Variants in ATP8B4 observed in about 807,000 individuals in gnomAD.
ATP8B4 encodes probable phospholipid-transporting ATPase IM.
Under a neutral mutation model 145.6 loss-of-function variants are expected in ATP8B4, and 133 were observed. The observed-to-expected ratio is 0.91, with a 90% CI of 0.79 to 1.05. The LOEUF is 1.05. Among genes scored for constraint, ATP8B4 ranks in the 50% least tolerant of loss-of-function variants. The pLI is 0.00. For synonymous variants in ATP8B4, 507 were observed against 492.9 expected (o/e 1.03, Z -0.38); for missense variants, 1,458 against 1,425.2 (o/e 1.02, Z -0.37).
At chr15:49,984,214 T>C (rs2046395272) in intron 10 of ATP8B4, among the ~76,000 whole-genome samples, 1 of 152,200 alleles carries the variant, frequency 6.6e-6, no homozygotes, top group African/African-American at 2.4e-5. Context: ...ACCTAGTAAG[T>C]GTCAGAGCGA....
At chr15:50,173,053 G>C (rs1026757571) in intron 1 of ATP8B4, among the ~76,000 whole-genome samples, 1 of 146,828 alleles carries the variant, frequency 6.8e-6, no homozygotes, top group Non-Finnish European at 1.5e-5. Context: ...CCTCCGCCCG[G>C]CCAGCCTCCC....
At chr15:50,173,775 C>T (rs975313252) in intron 1 of ATP8B4, among the ~76,000 whole-genome samples, 7 of 151,934 alleles carry the variant, frequency 4.6e-5, no homozygotes, top group Middle Eastern at 3.2e-3. Context: ...AGAAAGAACC[C>T]TCCCTAATTC....
At chr15:49,923,325 C>G (rs2040422721) in intron 17 of ATP8B4, 54 bp downstream of exon 17, 1 of 1,259,008 alleles carries the variant, frequency 7.9e-7, no homozygotes, top group African/African-American at 1.5e-5. Flanking sequence ...CAAGACCTAA[C>G]CATAGGAGAT....
intron 1 of ATP8B4, among the ~76,000 whole-genome samples, chr15:50,174,617 T>A (rs61367002): frequency 1.4e-5 from 2 of 146,896 alleles, no homozygotes; most frequent in Non-Finnish European, 3.0e-5. Context: ...ACAAGGAAAC[T>A]ACAACACACT....
intron 12 of ATP8B4, among the ~76,000 whole-genome samples, chr15:49,974,714 T>G (rs1237899915): frequency 6.6e-6 from 1 of 152,196 alleles, no homozygotes; most frequent in East Asian, 1.9e-4. Flanking sequence ...TTTAATTCCT[T>G]ATCCCAATTG....
At chr15:50,116,982 T>C (rs1427550541) in intron 1 of ATP8B4, among the ~76,000 whole-genome samples, 1 of 152,210 alleles carries the variant, frequency 6.6e-6, no homozygotes, top group Non-Finnish European at 1.5e-5. Context: ...TAAATACTTG[T>C]TTCTAATTCT....
intron 6 of ATP8B4, among the ~76,000 whole-genome samples, chr15:50,034,572 A>C (rs578129424): frequency 2.6e-5 from 4 of 152,286 alleles, no homozygotes; most frequent in Non-Finnish European, 4.4e-5. Context: ...AAGTATAAAC[A>C]GACAGATATG....
At chr15:49,958,075 G>A (rs1034991880) in intron 14 of ATP8B4, among the ~76,000 whole-genome samples, 7 of 151,486 alleles carry the variant, frequency 4.6e-5, no homozygotes, top group African/African-American at 1.4e-4. Flanking sequence ...TTTATTAACA[G>A]TGCAATAAAA....
intron 10 of ATP8B4, among the ~76,000 whole-genome samples, chr15:49,984,685 C>T (rs1260507684): frequency 6.6e-6 from 1 of 152,026 alleles, no homozygotes; most frequent in African/African-American, 2.4e-5. Context: ...TCCTAGGGAT[C>T]CCCGAGACAA....
chr15:50,039,821 A>G lies in ATP8B4; in HGVS notation c.301-992T>C, dbSNP rs551336655. Among the ~76,000 whole-genome samples the G allele has an allele frequency of 1.1e-4, 17 of 152,286 alleles. No individual in the cohort carries two copies. In the East Asian group the frequency reaches 3.1e-3, roughly 28 times the overall value. ...CTACAGCCTTCCCAAATCCATCCCA[A>G]TCTTTCTATTATGCTATGCCCAGTA... On this transcript the variant is annotated intron_variant, in intron 5 of 27. Coordinates refer to ENST00000284509, the MANE Select transcript of ATP8B4 (RefSeq NM_024837.4).
chr15:50,055,069 T>A (rs1223948623), intron 3 of ATP8B4, among the ~76,000 whole-genome samples: 1 of 152,188 alleles, frequency 6.6e-6, no homozygotes, highest in Non-Finnish European at 1.5e-5. Flanking sequence ...AATTTGCTGA[T>A]AATGTAAGCT....
chr15:49,958,081 TA>T (rs1190511593), intron 14 of ATP8B4, among the ~76,000 whole-genome samples: 1 of 151,470 alleles, frequency 6.6e-6, no homozygotes, highest in Non-Finnish European at 1.5e-5. Context: ...AACAGTGCAA[TA>T]AAATTAGGGA....
rs2044626416 is a variant in ATP8B4, at chr15:50,168,538, G to A, written c.-43+13723C>T. Among the ~76,000 whole-genome samples, 3 of 152,226 alleles carry A rather than the reference G, an allele frequency of 2.0e-5. No homozygotes were observed. The South Asian group carries it at 6.2e-4, about 32-fold the overall frequency. On this transcript the variant is annotated intron_variant, in intron 1 of 3. Coordinates refer to the ATP8B4 transcript ENST00000558829. ...GCAGAAAGGCCCTGGGAGCTCGCTG[G>A]GCCCTCAAGCAGCCCATTCCTGCCT...
At chr15:50,034,902 T>A (rs2050723328) in intron 6 of ATP8B4, among the ~76,000 whole-genome samples, 1 of 152,348 alleles carries the variant, frequency 6.6e-6, no homozygotes, top group South Asian at 2.1e-4. Context: ...CATTTAAGTA[T>A]GTATTGGTAC....
intron 1 of ATP8B4, among the ~76,000 whole-genome samples, chr15:50,154,734 A>G (rs7179178): frequency 0.57 from 86,129 of 151,634 alleles, 25,111 homozygotes; most frequent in East Asian, 0.93. Context: ...GAGTGCAGTG[A>G]CGTGATCTCA....
At chr15:50,084,783 C>G (rs1383977664) in intron 2 of ATP8B4, among the ~76,000 whole-genome samples, 1 of 152,098 alleles carries the variant, frequency 6.6e-6, no homozygotes, top group Non-Finnish European at 1.5e-5. Flanking sequence ...GCTCATGGCC[C>G]ACAGCAGTCC....
At chr15:50,169,526 C>A (rs1429201605) in intron 1 of ATP8B4, among the ~76,000 whole-genome samples, 1 of 152,188 alleles carries the variant, frequency 6.6e-6, no homozygotes, top group Non-Finnish European at 1.5e-5. Flanking sequence ...AAATTCTGAA[C>A]AACACCCTTC....
At chr15:50,047,662 C>T (rs1163855211) in intron 3 of ATP8B4, among the ~76,000 whole-genome samples, 198 bp from the exon 4 acceptor site, 1 of 151,514 alleles carries the variant, frequency 6.6e-6, no homozygotes, top group African/African-American at 2.4e-5. Context: ...CTGGTCCATG[C>T]CATAAACTCA....
chr15:50,091,621 T>G (rs2055616775), intron 2 of ATP8B4, among the ~76,000 whole-genome samples: 1 of 152,132 alleles, frequency 6.6e-6, no homozygotes, highest in African/African-American at 2.4e-5. Context: ...TTACATTTGT[T>G]TATGTGTCCT....
Sources: allele counts gnomAD v4.1 joint callset (sites outside exome capture counted in the v4.1 genomes callset), GRCh38; gene constraint gnomAD v4.1.1; transcripts MANE v1.5; gene names NCBI Gene and HGNC (gene_info 2026-07-23, HGNC 2026-07-21).